Variants in TFPT observed in about 807,000 individuals in gnomAD.
TFPT encodes INO80 complex subunit F.
A neutral mutation model predicts 28.8 loss-of-function variants in TFPT; 27 were observed. That is an observed-to-expected ratio of 0.94 (90% CI 0.69 to 1.29). The LOEUF is 1.29. TFPT is among the 50% of genes most tolerant of loss of function. The pLI, the probability that TFPT is intolerant of heterozygous loss-of-function variation, is 0.00. For missense variants in TFPT, 330 were observed against 338.0 expected, an observed-to-expected ratio of 0.98 and a Z score of 0.19; for synonymous variants, 152 against 142.8, an observed-to-expected ratio of 1.06 and a Z score of -0.46.
intron 5 of TFPT, 100 bp from the exon 6 acceptor site, chr19:54,107,269 G>A: frequency 4.0e-6 from 6 of 1,506,442 alleles, no homozygotes; most frequent in Non-Finnish European, 5.4e-6. Flanking sequence ...TTTTTAAAGA[G>A]ACAGGGTCTC....
chr19:54,115,615 C>G lies in TFPT; in HGVS notation c.-346G>C. The stretch of plus-strand genomic sequence containing the variant: ...CAGCGGGACGTGAGTCCCTTTCCTC[C>G]TCGCGGCTTACCGCCTCTCTCCGCC... On this transcript the variant is annotated 5_prime_UTR_variant, in exon 1 of 6. Transcript: ENST00000391759. 2.3e-6 allele frequency: 1 copy of G among 437,656 alleles called. No individual in the cohort carries two copies. Among genetic ancestry groups the G allele is most frequent in the East Asian group, 3.7e-5 (1 of 27,268 alleles). The allele number at this position is 437,656 out of a possible 1,614,324, so 27.1% of individuals were successfully genotyped here.
intron 2 of TFPT, among the ~76,000 whole-genome samples, chr19:54,112,823 TGGCTCAAGCCTGTAATCCCAGCACCTTG>T (rs1432464797): frequency 1.3e-5 from 2 of 151,984 alleles, no homozygotes; most frequent in African/African-American, 4.8e-5. Context: ...CCAGGCGTGG[TGGCTCAAGCCTGTAATCCCAGCACCTTG>T]GGAGGCTGAG....
Position 54,111,968 on chromosome 19 carries a change from G to A in TFPT, c.283-1847C>T, listed in dbSNP as rs183541370. On this transcript the variant is annotated intron_variant, in intron 2 of 5. Transcript: ENST00000391759. ...GCACTCCAGCCTGGACAACAAGAGC[G>A]AAAATCCATCTAAAAAAAAAGAGTT... Among the ~76,000 whole-genome samples, 789 of 151,582 alleles carry A rather than the reference G, an allele frequency of 5.2e-3. 3 individuals are homozygous for A. Among genetic ancestry groups the A allele is most frequent in the Non-Finnish European group, 6.9e-3 (469 of 67,914 alleles).
chr19:54,108,584 AAGGCAACCATTCTG>A, intron 3 of TFPT, 189 bp from the exon 4 acceptor site: 2 of 1,572,940 alleles, frequency 1.3e-6, no homozygotes, highest in Non-Finnish European at 1.7e-6. Context: ...CGAGCAAGAC[AAGGCAACCATTCTG>A]AGGCTGAGTT....
intron 5 of TFPT, 26 bp downstream of exon 5, chr19:54,108,000 T>TC (rs1335729938): frequency 6.6e-7 from 1 of 1,511,860 alleles, no homozygotes; most frequent in Non-Finnish European, 8.8e-7. Flanking sequence ...CCCCAGTCCC[T>TC]CCCCTTGAGT....
intron 3 of TFPT, among the ~76,000 whole-genome samples, 173 bp downstream of exon 3, chr19:54,109,878 C>CCCTCAGTCCCAGCG (rs1600297013): frequency 5.0e-4 from 76 of 150,666 alleles, no homozygotes; most frequent in South Asian, 8.3e-4. Context: ...GCCCTCTCCT[C>CCCTCAGTCCCAGCG]CAACACCGAA....
In TFPT at chr19:54,108,370, A is replaced by G. The variant is rs755756976; in HGVS notation, c.379T>C (p.Tyr127His). 2.5e-6 allele frequency: 4 copies of G among 1,612,828 alleles called. No individual in the cohort carries two copies. The highest frequency in any genetic ancestry group is 4.5e-5 in the East Asian group (2 of 44,844). The change falls in exon 4 of 6, where the codon TAC becomes CAC. Residue 127 changes from tyrosine to histidine, a missense_variant. By Grantham distance (83) the Tyr-to-His change is moderately conservative. Coordinates refer to ENST00000391759, the MANE Select transcript of TFPT (RefSeq NM_013342.4). ...RRFLMRVLDS[Y>H]GDDYRASQFT... ...TGGCTGGCCCGGTAGTCATCCCCGT[A>G]GGAGTCCAGCACTCTCATGAGGAAC...
intron 2 of TFPT, among the ~76,000 whole-genome samples, chr19:54,111,036 C>T (rs1228727951): frequency 1.1e-4 from 17 of 152,182 alleles, no homozygotes; most frequent in Admixed American, 1.1e-3. Context: ...GGAGGTGCGA[C>T]TTTAGTTACG....
intron 2 of TFPT, among the ~76,000 whole-genome samples, chr19:54,110,680 C>G (rs1021698013): frequency 6.6e-5 from 10 of 151,830 alleles, no homozygotes; most frequent in African/African-American, 1.7e-4. Flanking sequence ...CCAGCCTGGG[C>G]AACAGAGCGA....
chr19:54,112,408 T>G (rs1206733565), intron 2 of TFPT, among the ~76,000 whole-genome samples: 2 of 152,206 alleles, frequency 1.3e-5, no homozygotes, highest in Non-Finnish European at 2.9e-5. Flanking sequence ...TGAGTCCGTT[T>G]GGGCCTTGGT....
At chr19:54,109,818 T>C (rs1216306463) in intron 3 of TFPT, among the ~76,000 whole-genome samples, 1 of 151,936 alleles carries the variant, frequency 6.6e-6, no homozygotes, top group Non-Finnish European at 1.5e-5. Context: ...CCTCCCTCAG[T>C]CCCAGTGCTC....
intron 3 of TFPT, chr19:54,108,856 A>G: frequency 1.2e-5 from 5 of 405,550 alleles, no homozygotes; most frequent in Non-Finnish European, 1.8e-5. Context: ...CTTAAGGTTC[A>G]ATTGATGGAA....
chr19:54,109,881 A>AGTCCCAG (rs2073401897), intron 3 of TFPT, among the ~76,000 whole-genome samples, 170 bp downstream of exon 3: 1 of 29,698 alleles, frequency 3.4e-5, no homozygotes. Flanking sequence ...CTCTCCTCCA[A>AGTCCCAG]CACCGAATCC....
intron 3 of TFPT, 65 bp downstream of exon 3, chr19:54,109,986 C>T: frequency 6.5e-7 from 1 of 1,538,302 alleles, no homozygotes. Flanking sequence ...GTGGGAGAGA[C>T]AGAGGGGCTG....
chr19:54,111,668 A>T (rs1333498610), intron 2 of TFPT, among the ~76,000 whole-genome samples: 2 of 128,770 alleles, frequency 1.6e-5, no homozygotes, highest in Non-Finnish European at 3.3e-5. Context: ...TGACAGAGTA[A>T]GACTCTGTCT....
rs184857053 is a variant in TFPT, at chr19:54,113,070, G to A, written c.282+1372C>T. Among the ~76,000 whole-genome samples the A allele has an allele frequency of 3.7e-4, 49 of 133,940 alleles. No individual in the cohort carries two copies. The East Asian group carries it at 0.011, about 30-fold the overall frequency. The allele number at this position is 133,940 out of a possible 152,430, so 87.9% of individuals were successfully genotyped here. On this transcript the variant is annotated intron_variant, in intron 2 of 5. Transcript: ENST00000391759. The stretch of plus-strand genomic sequence containing the variant: ...ATGGTGCCATTGCACTCCAGCCTGG[G>A]AGACAAGAGCGAGACTCCACCTCAA...
At chr19:54,111,760 G>A (rs587690931) in intron 2 of TFPT, among the ~76,000 whole-genome samples, 5 of 150,864 alleles carry the variant, frequency 3.3e-5, no homozygotes, top group South Asian at 2.1e-4. Context: ...CAAGGCGAGC[G>A]GATCACCTGA....
At chr19:54,112,725 G>A (rs1292842592) in intron 2 of TFPT, among the ~76,000 whole-genome samples, 1 of 151,990 alleles carries the variant, frequency 6.6e-6, no homozygotes, top group African/African-American at 2.4e-5. Flanking sequence ...GGAGACTGAG[G>A]CTGCAATGAG....
At chr19:54,108,920 A>G in intron 3 of TFPT, 1 of 256,902 alleles carries the variant, frequency 3.9e-6, no homozygotes, top group Non-Finnish European at 7.6e-6. Flanking sequence ...TTTGCGACGG[A>G]ATCTCACTCT....
Sources: allele counts gnomAD v4.1 joint callset (sites outside exome capture counted in the v4.1 genomes callset), GRCh38; gene constraint gnomAD v4.1.1; transcripts MANE v1.5; gene names NCBI Gene and HGNC (gene_info 2026-07-23, HGNC 2026-07-21).